Variants in PBX3 observed in about 807,000 individuals in gnomAD.
PBX3 encodes the protein pre-B-cell leukemia transcription factor 3.
A neutral mutation model predicts 48.5 loss-of-function variants in PBX3; 14 were observed. The ratio of observed to expected loss-of-function variants is 0.29; its 90% CI spans 0.19 to 0.45. PBX3 has a LOEUF of 0.45. Among genes scored for constraint, PBX3 ranks in the 20% least tolerant of loss-of-function variants. PBX3 has a pLI of 1.00. For synonymous variants in PBX3, 210 were observed against 200.3 expected, an observed-to-expected ratio of 1.05 and a Z score of -0.41; for missense variants, 386 against 546.7, an observed-to-expected ratio of 0.71 and a Z score of 2.93.
rs150089406 is a variant in PBX3, at chr9:125,885,593, CTG to C, written c.275-30090_275-30089del. Among the ~76,000 whole-genome samples, 878 of 152,192 alleles carry C rather than the reference CTG, an allele frequency of 5.8e-3. 7 individuals are homozygous for C. Among genetic ancestry groups the C allele is most frequent in the African/African-American group, 0.02 (831 of 41,548 alleles). On this transcript the variant is annotated intron_variant, in intron 2 of 8. Coordinates refer to ENST00000373489, the MANE Select transcript of PBX3 (RefSeq NM_006195.6). Reference sequence around the variant, plus strand: ...GGCGACAGTTTAAAAAGGCTTCCAACTGTGACACAAGTGCAACCATATTGCTT... The same window carrying C: ...GGCGACAGTTTAAAAAGGCTTCCAACTGACACAAGTGCAACCATATTGCTT...
At chr9:125,756,823 TACC>T (rs1293166915) in intron 2 of PBX3, among the ~76,000 whole-genome samples, 1 of 152,200 alleles carries the variant, frequency 6.6e-6, no homozygotes, top group Non-Finnish European at 1.5e-5. Flanking sequence ...TTAGTGTACC[TACC>T]ACATTAGCTG....
rs373067106 is a variant in PBX3 at position 125,917,649 on chromosome 9, T to C, written c.516+1722T>C. On this transcript the variant is annotated intron_variant, in intron 3 of 8. Coordinates refer to ENST00000373489, the MANE Select transcript of PBX3 (RefSeq NM_006195.6). ...GTTTCAATTATATATATCGTTGTTT[T>C]TTCACATTGCCTTTTCTAATATTCT... 9.8e-5 allele frequency among the ~76,000 whole-genome samples: 15 copies of C among 152,314 alleles called. No homozygotes were observed. In the South Asian group the frequency reaches 2.9e-3, roughly 29 times the overall value.
chr9:125,920,955 A>T (rs533638695), intron 3 of PBX3, among the ~76,000 whole-genome samples: 1 of 152,348 alleles, frequency 6.6e-6, no homozygotes, highest in Admixed American at 6.5e-5. Flanking sequence ...CTGGCAAAAT[A>T]GCTTTTGCTT....
intron 2 of PBX3, among the ~76,000 whole-genome samples, chr9:125,880,996 A>G (rs951247134): frequency 4.6e-5 from 7 of 152,244 alleles, no homozygotes; most frequent in Non-Finnish European, 8.8e-5. Flanking sequence ...AATGTTCTCA[A>G]TGTGTTAGTT....
At chr9:125,965,319 A>T (rs551728515) in intron 8 of PBX3, among the ~76,000 whole-genome samples, 2 of 152,272 alleles carry the variant, frequency 1.3e-5, no homozygotes, top group African/African-American at 4.8e-5. Context: ...ATGCATTTTC[A>T]TTCTGGAAGA....
At chr9:125,903,378 G>A (rs776344878) in intron 2 of PBX3, among the ~76,000 whole-genome samples, 1 of 151,848 alleles carries the variant, frequency 6.6e-6, no homozygotes, top group Non-Finnish European at 1.5e-5. Context: ...GCCAGAATTT[G>A]TTGCTGTTTG....
chr9:125,905,317 C>T (rs2132435572), intron 2 of PBX3, among the ~76,000 whole-genome samples: 1 of 152,136 alleles, frequency 6.6e-6, no homozygotes, highest in Middle Eastern at 3.4e-3. Context: ...ATCCTCCTAA[C>T]TGGAAAACTA....
chr9:125,916,264 C>G (rs780994645), intron 3 of PBX3, among the ~76,000 whole-genome samples: 3 of 152,318 alleles, frequency 2.0e-5, no homozygotes, highest in South Asian at 2.1e-4. Flanking sequence ...CATTTATGCA[C>G]TAGCCTTGTT....
chr9:125,843,405 A>G (rs1238624232), intron 2 of PBX3, among the ~76,000 whole-genome samples: 2 of 152,070 alleles, frequency 1.3e-5, no homozygotes, highest in East Asian at 3.9e-4. Context: ...GGGGCCTGGT[A>G]TGGTCATATG....
At chr9:125,912,099 C>T (rs530852124) in intron 2 of PBX3, among the ~76,000 whole-genome samples, 1 of 152,302 alleles carries the variant, frequency 6.6e-6, no homozygotes, top group South Asian at 2.1e-4. Flanking sequence ...GCACCTCATT[C>T]ACTCAGGTCA....
chr9:125,780,339 C>A (rs1490437579), intron 2 of PBX3, among the ~76,000 whole-genome samples: 4 of 141,826 alleles, frequency 2.8e-5, no homozygotes, highest in East Asian at 2.3e-4. Context: ...CCTCACCTCC[C>A]GGACGGGGCG....
At chr9:125,888,418 C>G (rs1840552659) in intron 2 of PBX3, among the ~76,000 whole-genome samples, 1 of 152,070 alleles carries the variant, frequency 6.6e-6, no homozygotes, top group South Asian at 2.1e-4. Flanking sequence ...ACAATTGACC[C>G]TTTGTATGGA....
intron 2 of PBX3, among the ~76,000 whole-genome samples, chr9:125,780,498 T>G (rs868746881): frequency 0.041 from 3,227 of 78,694 alleles, 181 homozygotes; most frequent in East Asian, 0.14. Context: ...GGACGGGGCG[T>G]CTGGCCGGGT....
At chr9:125,831,193 TAG>T (rs1703720387) in intron 2 of PBX3, among the ~76,000 whole-genome samples, 1 of 152,234 alleles carries the variant, frequency 6.6e-6, no homozygotes, top group Non-Finnish European at 1.5e-5. Context: ...AAAGCTTGAT[TAG>T]ATTCATCATG....
At chr9:125,899,351 TTTTATATAAATATATA>T (rs1840873227) in intron 2 of PBX3, among the ~76,000 whole-genome samples, 18 of 103,162 alleles carry the variant, frequency 1.7e-4, no homozygotes, top group African/African-American at 6.8e-4. Context: ...ATGTATATAT[TTTTATATAAATATATA>T]CATATATGTA....
At chr9:125,790,489 G>A (rs949428388) in intron 2 of PBX3, among the ~76,000 whole-genome samples, 12 of 152,066 alleles carry the variant, frequency 7.9e-5, no homozygotes, top group African/African-American at 2.9e-4. Context: ...CCCGAGCTCA[G>A]GCAATCTGCT....
At chr9:125,750,285 C>T (rs1653779697) in intron 2 of PBX3, among the ~76,000 whole-genome samples, 2 of 152,174 alleles carry the variant, frequency 1.3e-5, no homozygotes, top group South Asian at 2.1e-4. Context: ...GGATACTTAT[C>T]GCTTCTCATC....
At chr9:125,874,166 C>G (rs781233577) in intron 2 of PBX3, among the ~76,000 whole-genome samples, 10 of 151,972 alleles carry the variant, frequency 6.6e-5, no homozygotes, top group Admixed American at 2.0e-4. Flanking sequence ...AGAAAATGTT[C>G]GTAATCTTAT....
chr9:125,823,106 T>C (rs1292013608), intron 2 of PBX3, among the ~76,000 whole-genome samples: 1 of 152,204 alleles, frequency 6.6e-6, no homozygotes, highest in East Asian at 1.9e-4. Context: ...GTTTGTGGTA[T>C]GGTCATATTT....
Sources: allele counts gnomAD v4.1 joint callset (sites outside exome capture counted in the v4.1 genomes callset), GRCh38; gene constraint gnomAD v4.1.1; transcripts MANE v1.5; gene names NCBI Gene and HGNC (gene_info 2026-07-23, HGNC 2026-07-21).